Variants in AGO2 observed in about 807,000 individuals in gnomAD.
AGO2 encodes protein argonaute-2.
A neutral mutation model predicts 102.3 loss-of-function variants in AGO2; 5 were observed. The ratio of observed to expected loss-of-function variants is 0.05; its 90% CI spans 0.03 to 0.10. The LOEUF is 0.10. Among genes scored for constraint, AGO2 ranks in the 10% least tolerant of loss-of-function variants. The pLI is 1.00. For synonymous variants in AGO2, 449 were observed against 473.1 expected (o/e 0.95, Z 0.66); for missense variants, 541 against 1,183.7 (o/e 0.46, Z 7.97).
chr8:140,629,161 C>T (rs1043447511), intron 1 of AGO2, among the ~76,000 whole-genome samples: 1 of 152,102 alleles, frequency 6.6e-6, no homozygotes, highest in Non-Finnish European at 1.5e-5. Context: ...ACTCTGGGGC[C>T]ACGGACTTTT....
chr8:140,584,747 T>G (rs2073623844), intron 2 of AGO2, among the ~76,000 whole-genome samples: 1 of 152,084 alleles, frequency 6.6e-6, no homozygotes, highest in Admixed American at 6.5e-5. Flanking sequence ...ACCTGGAAAC[T>G]AATCTATGTG....
At chr8:140,548,313 C>CT (rs1588445894) in intron 12 of AGO2, among the ~76,000 whole-genome samples, 2 of 48,992 alleles carry the variant, frequency 4.1e-5, no homozygotes, top group African/African-American at 8.6e-5. Context: ...CAGCCCTTGT[C>CT]TAAAAAAAAA....
intron 1 of AGO2, among the ~76,000 whole-genome samples, chr8:140,587,883 C>A (rs1235424302): frequency 6.6e-6 from 1 of 152,196 alleles, no homozygotes; most frequent in Non-Finnish European, 1.5e-5. Flanking sequence ...GAAGATGCCA[C>A]CACACTGGCA....
At position 140,530,855 on chromosome 8, in the gene AGO2, T is replaced by A. The variant is rs1439207268; in HGVS notation, c.*1189A>T. The A allele has an allele frequency of 6.6e-6, 1 of 152,358 alleles. No homozygotes were observed. The highest frequency in any genetic ancestry group is 1.9e-4 in the East Asian group (1 of 5,200). 9.4% of individuals were successfully genotyped at this position (152,358 alleles called of 1,614,324 possible). A position where few individuals can be genotyped will look rare whatever the true frequency, so the allele number is the denominator to read the frequency against. On this transcript the variant is annotated 3_prime_UTR_variant, in exon 19 of 19. Transcript: ENST00000220592. The stretch of plus-strand genomic sequence containing the variant: ...CCCACACATCAATGTTTCCCAGCAA[T>A]GCAAGAATAAATAATTTCCACTTGT...
intron 1 of AGO2, among the ~76,000 whole-genome samples, chr8:140,624,498 C>A (rs565346115): frequency 6.6e-5 from 10 of 152,228 alleles, no homozygotes; most frequent in Admixed American, 6.5e-4. Context: ...GAAAGACACT[C>A]GGAACAGAGG....
chr8:140,586,831 C>T (rs1365902304), intron 1 of AGO2, among the ~76,000 whole-genome samples: 4 of 152,168 alleles, frequency 2.6e-5, no homozygotes, highest in African/African-American at 9.7e-5. Flanking sequence ...TAGGACAGAG[C>T]CCGGGAATCT....
In AGO2 at chr8:140,611,482, C is replaced by T. The variant is rs543349242; in HGVS notation, c.22+24003G>A. Among the ~76,000 whole-genome samples the T allele has an allele frequency of 5.9e-5, 9 of 152,138 alleles. No homozygotes were observed. The East Asian group carries it at 1.4e-3, about 23-fold the overall frequency. On this transcript the variant is annotated intron_variant, in intron 1 of 18. Transcript: ENST00000220592. Reference sequence around the variant, plus strand: ...AGCTGGGATTACAGGCGCCCACCACCACACCGGGCTAATTTTTGTATTTTT... The same window carrying T: ...AGCTGGGATTACAGGCGCCCACCACTACACCGGGCTAATTTTTGTATTTTT...
At chr8:140,601,108 C>T (rs1015044580) in intron 1 of AGO2, among the ~76,000 whole-genome samples, 1 of 151,688 alleles carries the variant, frequency 6.6e-6, no homozygotes, top group Non-Finnish European at 1.5e-5. Flanking sequence ...GGTCATCCCT[C>T]CACTCTCAAG....
rs150594029 is a variant in AGO2 at position 140,558,902 on chromosome 8, C to T, written c.791-330G>A. On this transcript the variant is annotated intron_variant, in intron 6 of 18. Coordinates refer to ENST00000220592, the MANE Select transcript of AGO2 (RefSeq NM_012154.5). ...AAATGGCCTTCCAAAAGGACGGGTT[C>T]AGCGGGCAGGGCTTGTGGAGCCAGG... 4.7e-3 allele frequency among the ~76,000 whole-genome samples: 718 copies of T among 152,290 alleles called. 7 individuals carry two copies. Among genetic ancestry groups the T allele is most frequent in the Non-Finnish European group, 8.1e-3 (553 of 68,016 alleles).
At chr8:140,548,837 A>G (rs1004951752) in intron 12 of AGO2, among the ~76,000 whole-genome samples, 1 of 150,462 alleles carries the variant, frequency 6.6e-6, no homozygotes, top group African/African-American at 2.4e-5. Flanking sequence ...CGCATGCTGT[A>G]TGATGGGCGG....
intron 14 of AGO2, among the ~76,000 whole-genome samples, chr8:140,541,696 A>T (rs1049190474): frequency 6.6e-6 from 1 of 152,210 alleles, no homozygotes; most frequent in Non-Finnish European, 1.5e-5. Flanking sequence ...TGAGGTCAGG[A>T]GTTTGAGACC....
At chr8:140,564,434 A>G (rs2132951294) in intron 3 of AGO2, among the ~76,000 whole-genome samples, 1 of 152,350 alleles carries the variant, frequency 6.6e-6, no homozygotes, top group South Asian at 2.1e-4. Context: ...CCCTTGCACA[A>G]CATGGGTTGG....
intron 6 of AGO2, among the ~76,000 whole-genome samples, chr8:140,558,783 A>C (rs2132936569): frequency 6.6e-6 from 1 of 152,268 alleles, no homozygotes; most frequent in Admixed American, 6.5e-5. Context: ...GGTGGAGGGG[A>C]GGCTCAGCTT....
intron 2 of AGO2, among the ~76,000 whole-genome samples, chr8:140,582,814 T>A (rs1171532221): frequency 6.6e-6 from 1 of 152,206 alleles, no homozygotes; most frequent in Admixed American, 6.5e-5. Flanking sequence ...GTTCTACTCA[T>A]TAAAAGAAAG....
At chr8:140,545,727 A>C (rs1003023822) in intron 13 of AGO2, among the ~76,000 whole-genome samples, 1 of 152,200 alleles carries the variant, frequency 6.6e-6, no homozygotes, top group Non-Finnish European at 1.5e-5. Context: ...CCCACCTGCC[A>C]GCAAGTCCCA....
chr8:140,616,636 C>T lies in AGO2; in HGVS notation c.22+18849G>A, dbSNP rs760658675. On this transcript the variant is annotated intron_variant, in intron 1 of 18. Transcript: ENST00000220592. ...AATGATGGCAATCACTATTATTATC[C>T]CATTTTACAGAGGAGGAGCTGACAC... is the stretch of plus-strand genomic sequence containing the variant. Among the ~76,000 whole-genome samples the T allele has an allele frequency of 4.6e-5, 7 of 152,248 alleles. No individual in the cohort carries two copies. In the South Asian group the frequency reaches 1.2e-3, roughly 27 times the overall value.
At chr8:140,602,836 C>T (rs1034812999) in intron 1 of AGO2, among the ~76,000 whole-genome samples, 3 of 152,118 alleles carry the variant, frequency 2.0e-5, no homozygotes, top group African/African-American at 7.2e-5. Flanking sequence ...GAAAATCAAG[C>T]AGACAAAATA....
chr8:140,631,205 C>G (rs11785001), intron 1 of AGO2, among the ~76,000 whole-genome samples: 2 of 152,032 alleles, frequency 1.3e-5, no homozygotes, highest in East Asian at 1.9e-4. Context: ...AAAGAAAAAA[C>G]GGAGGGGGAG....
Position 140,557,266 on chromosome 8 carries a change from G to A in AGO2, c.879-30C>T. On this transcript the variant is annotated intron_variant, in intron 7 of 18. Coordinates refer to ENST00000220592, the MANE Select transcript of AGO2 (RefSeq NM_012154.5). This position sits in a 1 kb window ranked among gnomAD's most constrained non-coding sequence, Gnocchi z 5.9. ...GGAGCAAAGGGGCTGTTCAGGCCGA[G>A]GGCATCCCGGAGCCCCTTCCCCTGC... 2 of 1,589,086 alleles carry A rather than the reference G, an allele frequency of 1.3e-6. No homozygotes were observed. Among genetic ancestry groups the A allele is most frequent in the Non-Finnish European group, 1.7e-6 (2 of 1,166,202 alleles).
Sources: gnomAD v4.1 joint callset for allele counts (sites outside exome capture counted in the v4.1 genomes callset) on GRCh38, gnomAD v4.1.1 for gene constraint, Gnocchi (gnomAD v3.1) non-coding constraint, MANE v1.5 for transcripts, NCBI Gene and HGNC (gene_info 2026-07-23, HGNC 2026-07-21) for gene names.